Variants in CHMP4C observed in about 807,000 individuals in gnomAD.
The protein encoded by CHMP4C is SNF7 homolog associated with Alix 3.
Under a neutral mutation model 29.0 loss-of-function variants are expected in CHMP4C, and 28 were observed. The ratio of observed to expected loss-of-function variants is 0.97; its 90% CI spans 0.72 to 1.32. The LOEUF (loss-of-function observed/expected upper bound fraction) is 1.32, where lower values mean the gene tolerates loss of function less well. Ranked by LOEUF, CHMP4C falls within the 40% of genes most tolerant of loss-of-function variation. The pLI, the probability that CHMP4C is intolerant of heterozygous loss-of-function variation, is 0.00. For missense variants in CHMP4C, 291 were observed against 281.0 expected (o/e 1.04, Z -0.25); for synonymous variants, 106 against 102.4 (o/e 1.04, Z -0.21).
At chr8:81,748,105 G>T (rs979550635) in intron 1 of CHMP4C, among the ~76,000 whole-genome samples, 1 of 152,130 alleles carries the variant, frequency 6.6e-6, no homozygotes, top group Non-Finnish European at 1.5e-5. Context: ...CTGAGAAAAA[G>T]AATTCAGCGA....
intron 1 of CHMP4C, among the ~76,000 whole-genome samples, chr8:81,751,747 G>A (rs1464770391): frequency 6.6e-6 from 1 of 152,064 alleles, no homozygotes; most frequent in African/African-American, 2.4e-5. Flanking sequence ...AAATGAGACT[G>A]AGTGAAAATC....
chr8:81,745,918 A>C (rs746524224), intron 1 of CHMP4C, among the ~76,000 whole-genome samples: 41 of 152,202 alleles, frequency 2.7e-4, no homozygotes, highest in Non-Finnish European at 5.3e-4. Flanking sequence ...CACGGCTCTG[A>C]AAATGTCCTT....
chr8:81,757,928 T>C (rs1031793124), intron 3 of CHMP4C, among the ~76,000 whole-genome samples: 19 of 152,230 alleles, frequency 1.2e-4, no homozygotes, highest in African/African-American at 4.6e-4. Context: ...TACTGAAGTA[T>C]TAGAAGATTA....
At chr8:81,739,572 C>G (rs1808738393) in intron 1 of CHMP4C, among the ~76,000 whole-genome samples, 1 of 152,182 alleles carries the variant, frequency 6.6e-6, no homozygotes. Context: ...TAATTTCCCT[C>G]CCTTACCAGA....
intron 1 of CHMP4C, among the ~76,000 whole-genome samples, chr8:81,739,955 A>G (rs935600224): frequency 6.6e-6 from 1 of 152,214 alleles, no homozygotes; most frequent in African/African-American, 2.4e-5. Flanking sequence ...TTAGTATTTG[A>G]CATTTATTTC....
At chr8:81,753,876 T>C (rs1422151037) in intron 2 of CHMP4C, among the ~76,000 whole-genome samples, 2 of 152,232 alleles carry the variant, frequency 1.3e-5, no homozygotes, top group East Asian at 3.9e-4. Context: ...TGAGATTCAA[T>C]GAGATACTAG....
chr8:81,737,165 T>C (rs1010685018), intron 1 of CHMP4C, among the ~76,000 whole-genome samples: 2 of 152,234 alleles, frequency 1.3e-5, no homozygotes, highest in Non-Finnish European at 2.9e-5. Flanking sequence ...ACTTTTTATA[T>C]ATTATTTAAT....
At chr8:81,758,081 T>C (rs148271967) in intron 3 of CHMP4C, 61 bp from the exon 4 acceptor site, 26,858 of 1,507,724 alleles carry the variant, frequency 0.018, 320 homozygotes, top group Non-Finnish European at 0.022. Flanking sequence ...TGTTATTGTG[T>C]TTGAGGAAAC....
chr8:81,755,560 G>A (rs1808961932), intron 3 of CHMP4C, 76 bp downstream of exon 3: 10 of 743,634 alleles, frequency 1.3e-5, no homozygotes, highest in Non-Finnish European at 2.3e-5. Context: ...TAGTAGGCAT[G>A]TTCCCTTACT....
intron 1 of CHMP4C, among the ~76,000 whole-genome samples, chr8:81,750,744 AG>A (rs1275217165): frequency 6.6e-6 from 1 of 152,166 alleles, no homozygotes; most frequent in Non-Finnish European, 1.5e-5. Flanking sequence ...TACAAATTTC[AG>A]AAGATAGTAG....
At chr8:81,752,200 T>G (rs1163192467) in intron 1 of CHMP4C, among the ~76,000 whole-genome samples, 5 of 152,188 alleles carry the variant, frequency 3.3e-5, no homozygotes, top group Non-Finnish European at 5.9e-5. Flanking sequence ...TTTGAGTTCT[T>G]TTGCCAATTC....
At chr8:81,756,658 A>C (rs2130498406) in intron 3 of CHMP4C, among the ~76,000 whole-genome samples, 1 of 152,284 alleles carries the variant, frequency 6.6e-6, no homozygotes, top group East Asian at 1.9e-4. Flanking sequence ...TTGGTACCTA[A>C]AGGATGAAAA....
intron 1 of CHMP4C, among the ~76,000 whole-genome samples, chr8:81,741,798 A>G (rs1808765436): frequency 6.6e-6 from 1 of 152,176 alleles, no homozygotes; most frequent in East Asian, 1.9e-4. Context: ...CATACTTTTC[A>G]TGCCTACTGG....
Position 81,758,662 on chromosome 8 carries a change from T to C in CHMP4C, c.*118T>C. On this transcript the variant is annotated 3_prime_UTR_variant, in exon 5 of 5. Transcript: ENST00000297265. ...TTTATAATTATATTGAATGAATAATTGTGTTTTAAGCCTCCTAAGTAAAAG... is the reference window on the plus strand; with the variant it reads ...TTTATAATTATATTGAATGAATAATCGTGTTTTAAGCCTCCTAAGTAAAAG... 2 of 742,200 alleles carry C rather than the reference T, an allele frequency of 2.7e-6. No individual in the cohort carries two copies. Among genetic ancestry groups the C allele is most frequent in the Non-Finnish European group, 4.5e-6 (2 of 441,452 alleles). 46.0% of individuals were successfully genotyped at this position (742,200 alleles called of 1,614,324 possible). A position where few individuals can be genotyped will look rare whatever the true frequency, so the allele number is the denominator to read the frequency against.
At chr8:81,745,081 C>A (rs1808805635) in intron 1 of CHMP4C, among the ~76,000 whole-genome samples, 1 of 151,798 alleles carries the variant, frequency 6.6e-6, no homozygotes, top group Non-Finnish European at 1.5e-5. Context: ...TTTTGAAAAC[C>A]AAAACAATGT....
chr8:81,751,959 T>C (rs1231604500), intron 1 of CHMP4C, among the ~76,000 whole-genome samples: 1 of 151,884 alleles, frequency 6.6e-6, no homozygotes, highest in Non-Finnish European at 1.5e-5. Flanking sequence ...CAAAATGGAA[T>C]TCAAAGCAAA....
Position 81,732,686 on chromosome 8 carries a change from C to T in CHMP4C, c.60C>T (p.Pro20=). The part of the protein sequence containing the change: ...GGGSSKSRAA[P]SPQEALVRLR... ...GCTCTTCTAAGAGCCGAGCCGCTCC[C>T]AGTCCCCAGGAGGCCCTGGTCCGAC... The change falls in exon 1 of 5, where the codon CCC becomes CCT. Residue 20 remains proline (P), a synonymous_variant. Coordinates refer to ENST00000297265, the MANE Select transcript of CHMP4C (RefSeq NM_152284.4). 6.3e-7 allele frequency: 1 copy of T among 1,587,036 alleles called. No homozygotes were observed. Among genetic ancestry groups the T allele is most frequent in the South Asian group, 1.1e-5 (1 of 87,204 alleles).
intron 1 of CHMP4C, among the ~76,000 whole-genome samples, chr8:81,742,265 T>TAATC (rs1422878515): frequency 6.6e-6 from 1 of 152,162 alleles, no homozygotes; most frequent in Non-Finnish European, 1.5e-5. Flanking sequence ...ACCAACACTG[T>TAATC]AATCACTACT....
intron 1 of CHMP4C, among the ~76,000 whole-genome samples, chr8:81,749,537 A>AT (rs1808870332): frequency 1.3e-5 from 2 of 152,222 alleles, no homozygotes; most frequent in Admixed American, 1.3e-4. Context: ...TTTAGACATA[A>AT]TTCTACTATA....
Sources: gnomAD v4.1 joint callset for allele counts (sites outside exome capture counted in the v4.1 genomes callset) on GRCh38, gnomAD v4.1.1 for gene constraint, MANE v1.5 for transcripts, NCBI Gene and HGNC (gene_info 2026-07-23, HGNC 2026-07-21) for gene names.